Variants in LIN52 observed in about 807,000 individuals in gnomAD.
LIN52 encodes the protein protein lin-52 homolog.
Under a neutral mutation model 18.5 loss-of-function variants are expected in LIN52, and 4 were observed. The observed-to-expected ratio is 0.22, with a 90% confidence interval of 0.11 to 0.49. LIN52 has a LOEUF of 0.49. LIN52 is among the 20% of genes least tolerant of loss of function. The pLI, the probability that LIN52 is intolerant of heterozygous loss-of-function variation, is 0.97. For synonymous variants in LIN52, 34 were observed against 45.5 expected, an observed-to-expected ratio of 0.75 and a Z score of 1.02; for missense variants, 102 against 139.5, an observed-to-expected ratio of 0.73 and a Z score of 1.35.
intron 5 of LIN52, among the ~76,000 whole-genome samples, chr14:74,157,262 A>G (rs914584207): frequency 2.0e-5 from 3 of 151,166 alleles, no homozygotes; most frequent in Non-Finnish European, 4.4e-5. Context: ...TGAACTCCTG[A>G]CCTCAGGTGA....
intron 5 of LIN52, among the ~76,000 whole-genome samples, chr14:74,104,763 G>A (rs2060886418): frequency 6.7e-6 from 1 of 149,646 alleles, no homozygotes; most frequent in African/African-American, 2.5e-5. Flanking sequence ...CCACAGGAAT[G>A]TAATCAACAA....
At chr14:74,125,929 C>T (rs1168602966) in intron 5 of LIN52, among the ~76,000 whole-genome samples, 1 of 150,234 alleles carries the variant, frequency 6.7e-6, no homozygotes, top group Non-Finnish European at 1.5e-5. Flanking sequence ...AGGAGATATA[C>T]CTAATGTTAA....
chr14:74,099,355 T>A (rs920820349), intron 4 of LIN52, among the ~76,000 whole-genome samples: 1 of 152,196 alleles, frequency 6.6e-6, no homozygotes, highest in African/African-American at 2.4e-5. Flanking sequence ...GATTCCCTCC[T>A]CCTGCCATGG....
chr14:74,106,889 C>G (rs563985225), intron 5 of LIN52, among the ~76,000 whole-genome samples: 8 of 152,358 alleles, frequency 5.3e-5, no homozygotes, highest in African/African-American at 1.9e-4. Flanking sequence ...CCACGCCCGG[C>G]CCCGGCCTGA....
chr14:74,133,262 TA>T (rs1394896727), intron 5 of LIN52, among the ~76,000 whole-genome samples: 1 of 152,234 alleles, frequency 6.6e-6, no homozygotes, highest in East Asian at 1.9e-4. Flanking sequence ...CGCATCTAAA[TA>T]AGCTGGGGAA....
At chr14:74,174,684 C>G (rs1339760180) in intron 5 of LIN52, 2 of 151,964 alleles carry the variant, frequency 1.3e-5, no homozygotes, top group African/African-American at 4.8e-5. Context: ...GTGTTCTTAT[C>G]ACTAGCGGGA....
intron 5 of LIN52, among the ~76,000 whole-genome samples, chr14:74,180,010 G>A (rs1484012877): frequency 6.6e-6 from 1 of 152,148 alleles, no homozygotes; most frequent in Non-Finnish European, 1.5e-5. Flanking sequence ...AACAAGTTCT[G>A]AAGTGATGCT....
At chr14:74,146,421 G>A (rs767286988) in intron 5 of LIN52, among the ~76,000 whole-genome samples, 2 of 152,086 alleles carry the variant, frequency 1.3e-5, no homozygotes, top group African/African-American at 2.4e-5. Context: ...GTGGGATGCA[G>A]GTACTGGGTG....
chr14:74,116,289 TGAGAC>T, intron 5 of LIN52, among the ~76,000 whole-genome samples: 1 of 149,930 alleles, frequency 6.7e-6, no homozygotes, highest in Non-Finnish European at 1.5e-5. Flanking sequence ...GGCAACAGAG[TGAGAC>T]TCTGTCTCAA....
chr14:74,181,411 G>T (rs550653896), intron 5 of LIN52, among the ~76,000 whole-genome samples: 2 of 150,426 alleles, frequency 1.3e-5, no homozygotes, highest in African/African-American at 4.9e-5. Flanking sequence ...GTGCCCTCCA[G>T]CCTGGGTGAT....
chr14:74,173,164 G>A (rs2061278784), intron 5 of LIN52, among the ~76,000 whole-genome samples: 1 of 152,076 alleles, frequency 6.6e-6, no homozygotes, highest in African/African-American at 2.4e-5. Flanking sequence ...CATGTACTAA[G>A]GATTACTTAG....
At chr14:74,196,099 G>C (rs138126990) in intron 5 of LIN52, among the ~76,000 whole-genome samples, 2 of 152,182 alleles carry the variant, frequency 1.3e-5, no homozygotes, top group Non-Finnish European at 2.9e-5. Context: ...CCATGTAGGA[G>C]ATGATGTCTT....
intron 5 of LIN52, among the ~76,000 whole-genome samples, chr14:74,123,527 T>C (rs79575309): frequency 0.068 from 10,356 of 152,216 alleles, 547 homozygotes; most frequent in South Asian, 0.26. Context: ...TAGGAGACAA[T>C]TGAATAGATA....
intron 5 of LIN52, among the ~76,000 whole-genome samples, chr14:74,141,331 G>C (rs980841356): frequency 3.3e-5 from 5 of 152,052 alleles, no homozygotes; most frequent in Non-Finnish European, 7.4e-5. Context: ...ATACTGTTTT[G>C]TGACTTATCT....
chr14:74,086,926 T>G (rs1252233846), intron 1 of LIN52, among the ~76,000 whole-genome samples: 2 of 150,036 alleles, frequency 1.3e-5, no homozygotes, highest in African/African-American at 2.5e-5. Context: ...ATGGTAAAAT[T>G]TATGTATATT....
intron 5 of LIN52, among the ~76,000 whole-genome samples, chr14:74,146,692 G>A (rs74932876): frequency 0.023 from 3,454 of 152,064 alleles, 35 homozygotes; most frequent in African/African-American, 0.029. Context: ...AAAATCACAT[G>A]GAAATAATTG....
At chr14:74,185,470 C>T (rs1031439138) in intron 5 of LIN52, among the ~76,000 whole-genome samples, 3 of 151,742 alleles carry the variant, frequency 2.0e-5, no homozygotes, top group Non-Finnish European at 2.9e-5. Flanking sequence ...TCCGCCACCA[C>T]ATCTGGCTAA....
At chr14:74,093,828 G>A (rs1027939816) in intron 2 of LIN52, among the ~76,000 whole-genome samples, 7 of 152,226 alleles carry the variant, frequency 4.6e-5, no homozygotes, top group South Asian at 2.1e-4. Flanking sequence ...TTAGCTGAGC[G>A]TGGTGGCACA....
intron 5 of LIN52, among the ~76,000 whole-genome samples, chr14:74,113,249 A>G (rs2060940956): frequency 6.6e-6 from 1 of 152,212 alleles, no homozygotes; most frequent in Middle Eastern, 3.4e-3. Context: ...CAAATTAGCC[A>G]GGCGTGGTGG....
Sources: allele counts gnomAD v4.1 joint callset (sites outside exome capture counted in the v4.1 genomes callset), GRCh38; gene constraint gnomAD v4.1.1; transcripts MANE v1.5; gene names NCBI Gene and HGNC (gene_info 2026-07-23, HGNC 2026-07-21).